The following USH1C variants were observed in gnomAD, a reference collection of about 807,000 sequenced individuals.
USH1C encodes the protein harmonin.
USH1C carries 90 observed loss-of-function variants against 119.3 expected under a neutral mutation model. The ratio of observed to expected loss-of-function variants is 0.75; its 90% CI spans 0.64 to 0.90. The LOEUF (loss-of-function observed/expected upper bound fraction) is 0.90. Among genes scored for constraint, USH1C ranks in the 40% least tolerant of loss-of-function variants. The pLI is 0.00. For missense variants in USH1C, 1,165 were observed against 1,167.7 expected (o/e 1.00, Z 0.03); for synonymous variants, 465 against 443.3 (o/e 1.05, Z -0.62).
chr11:17,525,155 C>T (rs1156231698), intron 8 of USH1C, among the ~76,000 whole-genome samples: 1 of 152,238 alleles, frequency 6.6e-6, no homozygotes, highest in Non-Finnish European at 1.5e-5. Context: ...CTCTTTCCCA[C>T]AATCCTGGAT....
chr11:17,538,176 C>G (rs1195729817), intron 1 of USH1C, among the ~76,000 whole-genome samples: 2 of 152,216 alleles, frequency 1.3e-5, no homozygotes, highest in African/African-American at 4.8e-5. Context: ...TCTCTATTAT[C>G]ATCCCTGCTA....
At chr11:17,523,189 C>T (rs1850496246) in intron 11 of USH1C, 22 bp downstream of exon 11, 2 of 1,613,934 alleles carry the variant, frequency 1.2e-6, no homozygotes. Flanking sequence ...AAGGGGCTCC[C>T]ACCAGCTCAT....
At chr11:17,506,043 A>G (rs1849636772) in intron 18 of USH1C, 94 bp from the exon 19 acceptor site, 4 of 1,580,464 alleles carry the variant, frequency 2.5e-6, no homozygotes, top group East Asian at 4.5e-5. Context: ...ATCTACACCC[A>G]TGCATATGTG....
At chr11:17,522,689 G>A in intron 12 of USH1C, 95 bp downstream of exon 12, 1 of 1,582,576 alleles carries the variant, frequency 6.3e-7, no homozygotes, top group African/African-American at 1.3e-5. Flanking sequence ...GGAGGAGGAA[G>A]TTGGCTGGGG....
chr11:17,510,628 G>A, intron 16 of USH1C, 107 bp from the exon 17 acceptor site: 1 of 859,562 alleles, frequency 1.2e-6, no homozygotes, highest in Non-Finnish European at 1.9e-6. Context: ...AGAGTACTGT[G>A]AGGTGCATCA....
chr11:17,501,803 G>T, intron 21 of USH1C, 136 bp downstream of exon 21: 1 of 1,041,960 alleles, frequency 9.6e-7, no homozygotes, highest in Non-Finnish European at 1.5e-6. Flanking sequence ...AGCAGCTGGG[G>T]CATCACTGGG....
intron 11 of USH1C, 79 bp downstream of exon 11, chr11:17,523,132 G>A (rs1347106630): frequency 6.3e-7 from 1 of 1,586,508 alleles, no homozygotes; most frequent in South Asian, 1.1e-5. Flanking sequence ...GCCACCCTGG[G>A]AGTGTGTGGC....
intron 18 of USH1C, among the ~76,000 whole-genome samples, chr11:17,506,680 C>T (rs751907730): frequency 2.6e-5 from 4 of 152,186 alleles, no homozygotes; most frequent in African/African-American, 7.2e-5. Context: ...GGCCTTTGCA[C>T]GTGCTCTTCC....
Position 17,504,659 on chromosome 11 carries a change from T to C in USH1C, c.2172A>G (p.Thr724=). The C allele has an allele frequency of 6.2e-7, 1 of 1,614,014 alleles. No individual in the cohort carries two copies. The highest frequency in any genetic ancestry group is 8.5e-7 in the Non-Finnish European group (1 of 1,179,992). Residue 724 remains threonine (T), a synonymous_variant, in exon 20 of 27, where the codon ACA becomes ACG. Coordinates refer to ENST00000005226, the MANE Select transcript of USH1C (RefSeq NM_153676.4). ...EMLKRMVVYQ[T]AFRQDFRKYE... ...GGTATCAGTTTACTTGTCTGAATGC[T>C]GTCTGATAAACCACCATCCTCTTCA... is the stretch of plus-strand genomic sequence containing the variant.
Position 17,494,091 on chromosome 11 carries a change from G to C in USH1C, c.*241C>G, listed in dbSNP as rs551263680. ...TCACTGGGCCAGAGGAAAGGAATGA[G>C]AGTCTGGATCCTTGAGATCTTCTCC... On this transcript the variant is annotated 3_prime_UTR_variant, in exon 27 of 27. Transcript: ENST00000005226. 520 of 564,456 alleles carry C rather than the reference G, an allele frequency of 9.2e-4. 2 individuals are homozygous for C. The highest frequency in any genetic ancestry group is 1.9e-3 in the East Asian group (62 of 32,724). The allele number at this position is 564,456 out of a possible 1,614,324, so 35.0% of individuals were successfully genotyped here.
intron 7 of USH1C, 57 bp downstream of exon 7, chr11:17,526,696 C>A (rs1850691753): frequency 6.4e-7 from 1 of 1,573,138 alleles, no homozygotes; most frequent in Non-Finnish European, 8.7e-7. Context: ...CAGGACCGGC[C>A]ACCCCTCCTT....
chr11:17,519,681 A>T (rs1163838506), intron 14 of USH1C, among the ~76,000 whole-genome samples: 1 of 152,196 alleles, frequency 6.6e-6, no homozygotes, highest in African/African-American at 2.4e-5. Flanking sequence ...ACTGATACTG[A>T]ATGTCACGGG....
intron 1 of USH1C, 67 bp downstream of exon 1, chr11:17,544,205 C>T: frequency 6.3e-7 from 1 of 1,598,534 alleles, no homozygotes; most frequent in South Asian, 1.1e-5. Context: ...GCCGGGGTGT[C>T]CACCCCCTAC....
intron 15 of USH1C, among the ~76,000 whole-genome samples, chr11:17,514,263 G>A (rs1487587186): frequency 6.6e-6 from 1 of 152,198 alleles, no homozygotes; most frequent in Admixed American, 6.5e-5. Context: ...CTGTCACCCA[G>A]GCTGGAGTGC....
chr11:17,514,697 G>A (rs1161961007), intron 15 of USH1C: 1 of 152,058 alleles, frequency 6.6e-6, no homozygotes, highest in African/African-American at 2.4e-5. Flanking sequence ...TCAGCTGTCA[G>A]TTACATCCAT....
intron 16 of USH1C, 146 bp downstream of exon 16, chr11:17,511,756 C>T: frequency 2.1e-6 from 2 of 954,872 alleles, no homozygotes; most frequent in African/African-American, 1.6e-5. Flanking sequence ...TGATCTCTCT[C>T]TCCAGGCTGG....
At chr11:17,500,573 G>C (rs538469753) in intron 23 of USH1C, among the ~76,000 whole-genome samples, 1 of 152,274 alleles carries the variant, frequency 6.6e-6, no homozygotes, top group East Asian at 1.9e-4. Context: ...AGGTTTCGGG[G>C]GTTTCCACGT....
intron 22 of USH1C, 128 bp from the exon 23 acceptor site, chr11:17,501,278 T>C (rs1472171155): frequency 2.9e-6 from 3 of 1,042,452 alleles, no homozygotes; most frequent in African/African-American, 1.6e-5. Flanking sequence ...GGCAGTGCCA[T>C]CTGGAGAAAA....
intron 12 of USH1C, among the ~76,000 whole-genome samples, chr11:17,522,510 G>T (rs951688590): frequency 2.1e-4 from 32 of 152,350 alleles, no homozygotes; most frequent in African/African-American, 7.2e-4. Context: ...GCTAATCCTA[G>T]CTAGCTAGAG....
Sources: gnomAD v4.1 joint callset for allele counts (sites outside exome capture counted in the v4.1 genomes callset) on GRCh38, gnomAD v4.1.1 for gene constraint, MANE v1.5 for transcripts, NCBI Gene and HGNC (gene_info 2026-07-23, HGNC 2026-07-21) for gene names.